CCT8L2: variants seen among roughly 807,000 people sequenced by gnomAD.
CCT8L2 encodes T-complex protein 1 subunit theta-like 2.
In CCT8L2, 29 loss-of-function variants were observed where a neutral mutation model predicts 31.5. That is an observed-to-expected ratio of 0.92 (90% CI 0.68 to 1.25). The LOEUF is 1.25. CCT8L2 is among the 50% of genes most tolerant of loss of function. The pLI is 0.00. For synonymous variants in CCT8L2, 256 were observed against 290.1 expected (o/e 0.88, Z 1.19); for missense variants, 589 against 695.7 (o/e 0.85, Z 1.73).
At position 16,591,732 on chromosome 22, in the gene CCT8L2, T is replaced by A. The variant is rs1475468694; in HGVS notation, c.819A>T (p.Gly273=). ...SPADLAQFSK[G]SDQLLEKQVG... Reference sequence around the variant, plus strand: ...CTTGCTTTTCTAGTAATTGATCGCTTCCTTTACTAAATTGAGCTAGATCAG... The same window carrying A: ...CTTGCTTTTCTAGTAATTGATCGCTACCTTTACTAAATTGAGCTAGATCAG... Residue 273 remains glycine, a synonymous_variant, in exon 1 of 1, where the codon GGA becomes GGT. Transcript: ENST00000359963. 1 of 1,614,212 alleles carries A rather than the reference T, an allele frequency of 6.2e-7. No homozygotes were observed. Among genetic ancestry groups the A allele is most frequent in the Non-Finnish European group, 8.5e-7 (1 of 1,180,036 alleles).
rs2059595355 is a variant in CCT8L2, at chr22:16,592,580, G to T, written c.-30C>A. 1 of 1,542,088 alleles carries T rather than the reference G, an allele frequency of 6.5e-7. No homozygotes were observed. The highest frequency in any genetic ancestry group is 1.2e-5 in the South Asian group (1 of 80,438). On this transcript the variant is annotated 5_prime_UTR_variant, in exon 1 of 1. Transcript: ENST00000359963. ...CGCAGAGAGAGGAGAGGCCACCGTG[G>T]GTTGCAGAGATGCTCTAGAAACAGC...
rs1048058279 is a variant in CCT8L2, at chr22:16,591,362, C to T, written c.1189G>A (p.Asp397Asn). 4.5e-5 allele frequency: 73 copies of T among 1,614,066 alleles called. No homozygotes were observed. Among genetic ancestry groups the T allele is most frequent in the Non-Finnish European group, 6.2e-5 (73 of 1,179,880 alleles). Residue 397 changes from aspartate (D) to asparagine (N), a missense_variant, in exon 1 of 1, where the codon GAT (aspartate) becomes AAT (asparagine). Physicochemically the swap from Asp to Asn is conservative, Grantham distance 23. Transcript: ENST00000359963. Reference protein sequence around the residue: ...SAEQAVYHGIDAYFQLCQDPR... With the variant: ...SAEQAVYHGINAYFQLCQDPR... ...TCTTGACATAGCTGGAAATAGGCAT[C>T]AATGCCGTGGTAGACGGCCTGCTCT... is the stretch of plus-strand genomic sequence containing the variant.
At position 16,592,649 on chromosome 22, in the gene CCT8L2, G is replaced by C. The variant is rs2059595583; in HGVS notation, c.-99C>G. 1 of 1,047,538 alleles carries C rather than the reference G, an allele frequency of 9.5e-7. No homozygotes were observed. The allele number at this position is 1,047,538 out of a possible 1,614,324, so 64.9% of individuals were successfully genotyped here. A position where few individuals can be genotyped will look rare whatever the true frequency, so the allele number is the denominator to read the frequency against. On this transcript the variant is annotated 5_prime_UTR_variant, in exon 1 of 1. Coordinates refer to ENST00000359963, the MANE Select transcript of CCT8L2 (RefSeq NM_014406.5). ...ACCGATCGTTGAAAGTACTCAAGAG[G>C]TCAGTGGAAGCAAGGAGCCAAATGC...
chr22:16,591,721 AATTG>A lies in CCT8L2; in HGVS notation c.826_829del (p.Gln276TyrfsTer2), dbSNP rs1292304244. On this transcript the variant is annotated frameshift_variant, in exon 1 of 1. Coordinates refer to ENST00000359963, the MANE Select transcript of CCT8L2 (RefSeq NM_014406.5). LOFTEE classifies it high-confidence loss of function. ...TAGCTGGCCTACTTGCTTTTCTAGT[AATTG>A]ATCGCTTCCTTTACTAAATTGAGCT... 4 of 1,614,082 alleles carry A rather than the reference AATTG, an allele frequency of 2.5e-6. No individual in the cohort carries two copies. In the African/African-American group the frequency reaches 5.3e-5, roughly 22 times the overall value.
rs750155913 is a variant in CCT8L2 at position 16,592,147 on chromosome 22, G to T, written c.404C>A (p.Ala135Asp). The change falls in exon 1 of 1, where the codon GCC (alanine) becomes GAC (aspartate). Residue 135 changes from alanine (A) to aspartate (D), a missense_variant. Ala to Asp is a moderately radical substitution (Grantham distance 126). Coordinates refer to ENST00000359963, the MANE Select transcript of CCT8L2 (RefSeq NM_014406.5). ...AGLPRPQLRE[A>D]YATATAEVLA... Reference sequence around the variant, plus strand: ...GACCTCTGCAGTGGCCGTGGCGTAGGCCTCCCGGAGCTGCGGGCGAGGCAG... The same window carrying T: ...GACCTCTGCAGTGGCCGTGGCGTAGTCCTCCCGGAGCTGCGGGCGAGGCAG... 1.2e-6 allele frequency: 2 copies of T among 1,614,156 alleles called. No individual in the cohort carries two copies. The highest frequency in any genetic ancestry group is 2.2e-5 in the South Asian group (2 of 91,068).
chr22:16,590,756 T>C lies in CCT8L2; in HGVS notation c.*121A>G, dbSNP rs1268405117. The C allele has an allele frequency of 7.6e-6, 6 of 785,268 alleles. No individual in the cohort carries two copies. Among genetic ancestry groups the C allele is most frequent in the South Asian group, 1.8e-5 (1 of 55,144 alleles). The allele number at this position is 785,268 out of a possible 1,614,324, so 48.6% of individuals were successfully genotyped here. On this transcript the variant is annotated 3_prime_UTR_variant, in exon 1 of 1. Transcript: ENST00000359963. Reference sequence around the variant, plus strand: ...ACTAAGCGCATGAAAAGAAATTTTATGTTCCTTCATGTTTTTATTTAAAGA... The same window carrying C: ...ACTAAGCGCATGAAAAGAAATTTTACGTTCCTTCATGTTTTTATTTAAAGA...
chr22:16,592,120 A>C lies in CCT8L2; in HGVS notation c.431T>G (p.Leu144Arg). 1.2e-6 allele frequency: 2 copies of C among 1,614,224 alleles called. No homozygotes were observed. The highest frequency in any genetic ancestry group is 1.7e-6 in the Non-Finnish European group (2 of 1,180,042). Reference protein sequence around the residue: ...EAYATATAEVLATLPSLAIQS... With the variant: ...EAYATATAEVRATLPSLAIQS... ...GATGGCCAGGGAGGGCAGTGTGGCC[A>C]GGACCTCTGCAGTGGCCGTGGCGTA... The change falls in exon 1 of 1, where the codon CTG (leucine) becomes CGG (arginine). Residue 144 changes from leucine to arginine, a missense_variant. By Grantham distance (102) the Leu-to-Arg change is moderately radical. Transcript: ENST00000359963.
rs1311104806 is a variant in CCT8L2 at position 16,592,095 on chromosome 22, G to A, written c.456C>T (p.Ile152=). Residue 152 remains isoleucine (I), a synonymous_variant, in exon 1 of 1, where the codon ATC becomes ATT. Coordinates refer to ENST00000359963, the MANE Select transcript of CCT8L2 (RefSeq NM_014406.5). The part of the protein sequence containing the change: ...EVLATLPSLA[I]QSLGPLEDPS... ...GATCTTCCAAAGGCCCCAGAGATTG[G>A]ATGGCCAGGGAGGGCAGTGTGGCCA... The A allele has an allele frequency of 4.3e-6, 7 of 1,614,100 alleles. No individual in the cohort carries two copies. The African/African-American group carries it at 8.0e-5, about 18-fold the overall frequency.
chr22:16,591,379 G>C lies in CCT8L2; in HGVS notation c.1172C>G (p.Ala391Gly). 6.2e-7 allele frequency: 1 copy of C among 1,614,018 alleles called. No individual in the cohort carries two copies. Among genetic ancestry groups the C allele is most frequent in the African/African-American group, 1.3e-5 (1 of 75,052 alleles). ...ATAGGCATCAATGCCGTGGTAGACGGCCTGCTCTGCACTCCGCAGCCCCTG... is the reference window on the plus strand; with the variant it reads ...ATAGGCATCAATGCCGTGGTAGACGCCCTGCTCTGCACTCCGCAGCCCCTG... Reference protein sequence around the residue: ...TTQGLRSAEQAVYHGIDAYFQ... With the variant: ...TTQGLRSAEQGVYHGIDAYFQ... The change falls in exon 1 of 1, where the codon GCC becomes GGC. Residue 391 changes from alanine (A) to glycine (G), a missense_variant. Ala to Gly is a moderately conservative substitution (Grantham distance 60). Coordinates refer to ENST00000359963, the MANE Select transcript of CCT8L2 (RefSeq NM_014406.5).
rs139761077 is a variant in CCT8L2 at position 16,591,602 on chromosome 22, C to T, written c.949G>A (p.Ala317Thr). 2.8e-5 allele frequency: 46 copies of T among 1,614,196 alleles called. No individual in the cohort carries two copies. In the Middle Eastern group the frequency reaches 4.9e-4, roughly 17 times the overall value. Residue 317 changes from alanine to threonine, a missense_variant, in exon 1 of 1, where the codon GCT becomes ACT. Physicochemically the swap from Ala to Thr is moderately conservative, Grantham distance 58. Transcript: ENST00000359963. ...TAAATGATCTCCATCCAAGACCTAG[C>T]TTGAATCACCACGATGCCATACTTG... ...ADKYGIVVIQ[A>T]RSWMEIIYLS...
chr22:16,592,650 T>A lies in CCT8L2; in HGVS notation c.-100A>T. ...CCGATCGTTGAAAGTACTCAAGAGG[T>A]CAGTGGAAGCAAGGAGCCAAATGCC... On this transcript the variant is annotated 5_prime_UTR_variant, in exon 1 of 1. Transcript: ENST00000359963. 1.9e-6 allele frequency: 2 copies of A among 1,050,766 alleles called. No homozygotes were observed. 65.1% of individuals were successfully genotyped at this position (1,050,766 alleles called of 1,614,324 possible). A position where few individuals can be genotyped will look rare whatever the true frequency, so the allele number is the denominator to read the frequency against.
Position 16,592,220 on chromosome 22 carries a change from G to C in CCT8L2, c.331C>G (p.Leu111Val), listed in dbSNP as rs774472055. Residue 111 changes from leucine to valine, a missense_variant, in exon 1 of 1, where the codon CTG becomes GTG. Leu to Val is a conservative substitution (Grantham distance 32). Transcript: ENST00000359963. Reference protein sequence around the residue: ...SGDGTAFVVLLTEALLEQAEQ... With the variant: ...SGDGTAFVVLVTEALLEQAEQ... The stretch of plus-strand genomic sequence containing the variant: ...GCCTGTTCCAGCAAGGCTTCCGTCA[G>C]CAGAACCACGAAGGCTGTGCCGTCC... 2.4e-5 allele frequency: 38 copies of C among 1,614,134 alleles called. No individual in the cohort carries two copies. The highest frequency in any genetic ancestry group is 3.2e-5 in the Non-Finnish European group (38 of 1,180,058).
At position 16,591,984 on chromosome 22, in the gene CCT8L2, C is replaced by A; in HGVS notation, c.567G>T (p.Trp189Cys). Residue 189 changes from tryptophan (W) to cysteine (C), a missense_variant, in exon 1 of 1, where the codon TGG (tryptophan) becomes TGT (cysteine). Physicochemically the swap from Trp to Cys is radical, Grantham distance 215. Transcript: ENST00000359963. ...AGCTGCCGTCTAGTTCCTTGATAGC[C>A]CAGCAGGCGTGGGCCACCAGCTTGG... is the stretch of plus-strand genomic sequence containing the variant. Reference protein sequence around the residue: ...HLTKLVAHACWAIKELDGSFK... With the variant: ...HLTKLVAHACCAIKELDGSFK... The A allele has an allele frequency of 1.2e-6, 2 of 1,614,160 alleles. No individual in the cohort carries two copies. The highest frequency in any genetic ancestry group is 1.1e-5 in the South Asian group (1 of 91,086).
rs150161414 is a variant in CCT8L2, at chr22:16,592,385, G to A, written c.166C>T (p.Arg56Trp). 6.5e-4 allele frequency: 1,057 copies of A among 1,614,122 alleles called. 5 individuals carry two copies. In the African/African-American group the frequency reaches 0.012, roughly 19 times the overall value. ...TTCATGGTCACCAGGAACTTCTGCC[G>A]GCCGTGGGGGCCATAGCAAGGCCGG... ...VIRPCYGPHG[R>W]QKFLVTMKGE... The change falls in exon 1 of 1, where the codon CGG (arginine) becomes TGG (tryptophan). Residue 56 changes from arginine to tryptophan, a missense_variant. Transcript: ENST00000359963.
rs771167740 is a variant in CCT8L2, at chr22:16,592,177, G to A, written c.374C>T (p.Ala125Val). ...LLEQAEQLLK[A>V]GLPRPQLREA... ...CCGGAGCTGCGGGCGAGGCAGGCCA[G>A]CCTTCAGCAGCTGCTCTGCCTGTTC... is the stretch of plus-strand genomic sequence containing the variant. Residue 125 changes from alanine (A) to valine (V), a missense_variant, in exon 1 of 1, where the codon GCT becomes GTT. Transcript: ENST00000359963. 2.5e-6 allele frequency: 4 copies of A among 1,614,176 alleles called. No individual in the cohort carries two copies. Among genetic ancestry groups the A allele is most frequent in the Non-Finnish European group, 3.4e-6 (4 of 1,180,018 alleles).
Position 16,591,062 on chromosome 22 carries a change from G to C in CCT8L2, c.1489C>G (p.Leu497Val). ...NVAQEGVWDT[L>V]IVKAQGFRAV... ...CGAAATCCTTGGGCTTTGACTATTA[G>C]GGTGTCCCACACCCCTTCCTGGGCC... Residue 497 changes from leucine (L) to valine (V), a missense_variant, in exon 1 of 1, where the codon CTA becomes GTA. By Grantham distance (32) the Leu-to-Val change is conservative. Coordinates refer to ENST00000359963, the MANE Select transcript of CCT8L2 (RefSeq NM_014406.5). The C allele has an allele frequency of 6.2e-7, 1 of 1,613,952 alleles. No homozygotes were observed. The highest frequency in any genetic ancestry group is 8.5e-7 in the Non-Finnish European group (1 of 1,179,854).
Position 16,592,614 on chromosome 22 carries a change from C to T in CCT8L2, c.-64G>A, listed in dbSNP as rs2146029290. ...GATGCTCTAGAAACAGCAGCTGGGGCACTCCTGACACCGATCGTTGAAAGT... is the reference window on the plus strand; with the variant it reads ...GATGCTCTAGAAACAGCAGCTGGGGTACTCCTGACACCGATCGTTGAAAGT... On this transcript the variant is annotated 5_prime_UTR_variant, in exon 1 of 1. Coordinates refer to ENST00000359963, the MANE Select transcript of CCT8L2 (RefSeq NM_014406.5). 2.9e-6 allele frequency: 4 copies of T among 1,371,124 alleles called. No homozygotes were observed. In the East Asian group the frequency reaches 7.0e-5, roughly 24 times the overall value. 84.9% of individuals were successfully genotyped at this position (1,371,124 alleles called of 1,614,324 possible). A position where few individuals can be genotyped will look rare whatever the true frequency, so the allele number is the denominator to read the frequency against.
rs775479708 is a variant in CCT8L2, at chr22:16,592,215, C to G, written c.336G>C (p.Thr112=). 4.3e-6 allele frequency: 7 copies of G among 1,614,126 alleles called. No individual in the cohort carries two copies. The highest frequency in any genetic ancestry group is 1.3e-5 in the African/African-American group (1 of 74,950). ...GDGTAFVVLL[T]EALLEQAEQL... is the part of the protein sequence containing the mutation. Reference sequence around the variant, plus strand: ...GCTCTGCCTGTTCCAGCAAGGCTTCCGTCAGCAGAACCACGAAGGCTGTGC... The same window carrying G: ...GCTCTGCCTGTTCCAGCAAGGCTTCGGTCAGCAGAACCACGAAGGCTGTGC... The change falls in exon 1 of 1, where the codon ACG becomes ACC. Residue 112 remains threonine (T), a synonymous_variant. Coordinates refer to ENST00000359963, the MANE Select transcript of CCT8L2 (RefSeq NM_014406.5).
rs187222873 is a variant in CCT8L2, at chr22:16,591,934, C to A, written c.617G>T (p.Cys206Phe). The change falls in exon 1 of 1, where the codon TGC (cysteine) becomes TTC (phenylalanine). Residue 206 changes from cysteine (C) to phenylalanine (F), a missense_variant. By Grantham distance (205) the Cys-to-Phe change is radical. Coordinates refer to ENST00000359963, the MANE Select transcript of CCT8L2 (RefSeq NM_014406.5). ...CTCCAGTGTCCCCCCGGGCAGCGCG[C>A]ACACCCCAACACGCTCAGGCTTGAA... The part of the protein sequence containing the change: ...GSFKPERVGV[C>F]ALPGGTLEDS... 1.2e-6 allele frequency: 2 copies of A among 1,613,952 alleles called. No homozygotes were observed. Among genetic ancestry groups the A allele is most frequent in the African/African-American group, 2.7e-5 (2 of 74,904 alleles).
Sources: allele counts gnomAD v4.1 joint callset, GRCh38; gene constraint gnomAD v4.1.1; transcripts MANE v1.5; gene names NCBI Gene and HGNC (gene_info 2026-07-23, HGNC 2026-07-21).